Variants in TPTE2 observed in about 807,000 individuals in gnomAD.
TPTE2 encodes transmembrane phosphoinositide 3-phosphatase and tensin homolog 2, also known as phosphatidylinositol 3,4,5-trisphosphate 3-phosphatase TPTE2.
In TPTE2, 53 loss-of-function variants were observed where a neutral mutation model predicts 78.6. The ratio of observed to expected loss-of-function variants is 0.67; its 90% CI spans 0.54 to 0.85. The LOEUF (loss-of-function observed/expected upper bound fraction) is 0.85, where lower values mean the gene tolerates loss of function less well. Ranked by LOEUF, TPTE2 falls within the 40% of genes least tolerant of loss-of-function variation. The probability of loss-of-function intolerance (pLI) is 0.00; values close to 1 mark genes in which losing one functional copy is unlikely to be tolerated. For synonymous variants in TPTE2, 175 were observed against 206.2 expected (o/e 0.85, Z 1.30); for missense variants, 461 against 623.0 (o/e 0.74, Z 2.77).
chr13:19,494,587 T>C (rs142855591), intron 1 of TPTE2, among the ~76,000 whole-genome samples: 2,900 of 152,220 alleles, frequency 0.019, 70 homozygotes, highest in African/African-American at 0.052. Flanking sequence ...TCTTGTAGTT[T>C]TAGTAGAGAC....
intron 14 of TPTE2, 100 bp from the exon 18 acceptor site, chr13:19,436,406 T>G: frequency 8.9e-7 from 1 of 1,127,430 alleles, no homozygotes; most frequent in Non-Finnish European, 1.3e-6. Context: ...TTTCCTAAAG[T>G]CAGTGATTTT....
intron 1 of TPTE2, among the ~76,000 whole-genome samples, chr13:19,522,516 G>A (rs1870213508): frequency 6.6e-6 from 1 of 152,016 alleles, no homozygotes; most frequent in African/African-American, 2.4e-5. Flanking sequence ...TAAATTTGTA[G>A]GTGGAAGACA....
intron 17 of TPTE2, among the ~76,000 whole-genome samples, chr13:19,428,298 A>G (rs1045540739): frequency 2.9e-4 from 44 of 152,188 alleles, no homozygotes; most frequent in Admixed American, 2.7e-3. Flanking sequence ...ATAATACAAA[A>G]TTAGCCAGGT....
At chr13:19,484,688 C>A (rs1880550982) in intron 3 of TPTE2, among the ~76,000 whole-genome samples, 1 of 152,100 alleles carries the variant, frequency 6.6e-6, no homozygotes, top group South Asian at 2.1e-4. Context: ...ACACATATTA[C>A]AATTATATTT....
At chr13:19,515,239 T>C (rs1232384766) in intron 1 of TPTE2, among the ~76,000 whole-genome samples, 2 of 152,168 alleles carry the variant, frequency 1.3e-5, no homozygotes, top group Non-Finnish European at 2.9e-5. Flanking sequence ...ATCACATACA[T>C]TTTTTTGCTG....
the TPTE2 span, among the ~76,000 whole-genome samples, chr13:19,559,553 C>G: frequency 1.4e-5 from 2 of 146,446 alleles, no homozygotes; most frequent in African/African-American, 5.0e-5. Flanking sequence ...GCACTAATGC[C>G]CAATGCAAAT....
rs117851652 is a variant in TPTE2, at chr13:19,457,254, G to T, written c.742-6029C>A. ...TAATATCATCAAGATATATACTTGA[G>T]TAGTGCAACCTACCATATGTGTTAT... On this transcript the variant is annotated intron_variant, in intron 10 of 19. Transcript: ENST00000400230. Among the ~76,000 whole-genome samples the T allele has an allele frequency of 5.3e-3, 800 of 152,284 alleles. 5 individuals are homozygous for T. The highest frequency in any genetic ancestry group is 0.027 in the Middle Eastern group (8 of 294).
intron 3 of TPTE2, among the ~76,000 whole-genome samples, chr13:19,491,086 G>T (rs1271971894): frequency 2.0e-5 from 3 of 152,182 alleles, no homozygotes; most frequent in Non-Finnish European, 4.4e-5. Context: ...AAAACACTCT[G>T]TATTGTTATG....
Position 19,426,530 on chromosome 13 carries a change from A to G in TPTE2, c.1303-13T>C. The stretch of plus-strand genomic sequence containing the variant: ...TGTCATGCAATATCTATGAATGAAC[A>G]CATGGAATTGAGAACTACAAACCTA... On this transcript the variant is annotated splice_polypyrimidine_tract_variant and intron_variant, in intron 17 of 19. Transcript: ENST00000400230. The G allele has an allele frequency of 1.4e-6, 2 of 1,470,742 alleles. No individual in the cohort carries two copies. The highest frequency in any genetic ancestry group is 1.9e-6 in the Non-Finnish European group (2 of 1,050,550). The allele number at this position is 1,470,742 out of a possible 1,614,324, so 91.1% of individuals were successfully genotyped here.
chr13:19,484,163 T>C (rs1445704834), intron 3 of TPTE2, among the ~76,000 whole-genome samples: 1 of 152,210 alleles, frequency 6.6e-6, no homozygotes, highest in Non-Finnish European at 1.5e-5. Flanking sequence ...ATTGTGTTTC[T>C]AGTTACATTT....
the TPTE2 span, among the ~76,000 whole-genome samples, chr13:19,558,381 T>A: frequency 1.3e-5 from 2 of 152,228 alleles, no homozygotes; most frequent in African/African-American, 4.8e-5. Context: ...AGGCATGAAT[T>A]GTTTACTTTG....
chr13:19,470,488 T>C (rs537145036), intron 6 of TPTE2, among the ~76,000 whole-genome samples: 2 of 152,146 alleles, frequency 1.3e-5, no homozygotes, highest in South Asian at 4.2e-4. Context: ...ATGTTTTTGG[T>C]TTTGGTTTTG....
chr13:19,507,655 C>A (rs138315684), upstream of TPTE2, among the ~76,000 whole-genome samples: 1,553 of 152,278 alleles, frequency 0.01, 20 homozygotes, highest in Middle Eastern at 0.017. Context: ...GCAAGCTAAC[C>A]CAGTGTGTAA....
At chr13:19,503,492 C>A (rs528058618), upstream of TPTE2, among the ~76,000 whole-genome samples, 1 of 152,290 alleles carries the variant, frequency 6.6e-6, no homozygotes, top group Non-Finnish European at 1.5e-5. Context: ...AATAGTAATA[C>A]TTTCAGATTT....
At chr13:19,557,597 T>A in the TPTE2 span, among the ~76,000 whole-genome samples, 1 of 152,212 alleles carries the variant, frequency 6.6e-6, no homozygotes, top group Non-Finnish European at 1.5e-5. Flanking sequence ...CATCTATTCA[T>A]CAAGCTGGAC....
At chr13:19,477,054 A>AT (rs1238793295) in intron 4 of TPTE2, among the ~76,000 whole-genome samples, 10 of 152,326 alleles carry the variant, frequency 6.6e-5, no homozygotes, top group African/African-American at 1.9e-4. Flanking sequence ...GAGATCATGT[A>AT]TTTTGTGGGA....
At chr13:19,537,324 G>T (rs1318019488), upstream of TPTE2, among the ~76,000 whole-genome samples, 3 of 148,050 alleles carry the variant, frequency 2.0e-5, no homozygotes, top group Non-Finnish European at 4.5e-5. Flanking sequence ...ACCTCCACTT[G>T]CCAGGTTCAA....
chr13:19,466,793 G>T (rs1879292721), intron 7 of TPTE2, among the ~76,000 whole-genome samples: 1 of 152,192 alleles, frequency 6.6e-6, no homozygotes, highest in African/African-American at 2.4e-5. Flanking sequence ...ATGTGTAAGG[G>T]ATTTGTAGTT....
At chr13:19,525,035 G>A (rs773825419) in intron 1 of TPTE2, among the ~76,000 whole-genome samples, 4 of 152,154 alleles carry the variant, frequency 2.6e-5, no homozygotes, top group Admixed American at 6.5e-5. Context: ...TTTGTTTTAT[G>A]TAGCCTGTCT....
Sources: allele counts gnomAD v4.1 joint callset (sites outside exome capture counted in the v4.1 genomes callset), GRCh38; gene constraint gnomAD v4.1.1; transcripts MANE v1.5; gene names NCBI Gene and HGNC (gene_info 2026-07-23, HGNC 2026-07-21).